The following LRRK1 variants were observed in gnomAD, a reference collection of about 807,000 sequenced individuals.
The protein encoded by LRRK1 is leucine-rich repeat serine/threonine-protein kinase 1.
Under a neutral mutation model 209.1 loss-of-function variants are expected in LRRK1, and 113 were observed. The ratio of observed to expected loss-of-function variants is 0.54; its 90% CI spans 0.46 to 0.63. The LOEUF is 0.63. LRRK1 is among the 30% of genes least tolerant of loss of function. LRRK1 has a pLI of 0.00. For synonymous variants in LRRK1, 1,144 were observed against 1,099.7 expected (o/e 1.04, Z -0.80); for missense variants, 2,284 against 2,632.2 (o/e 0.87, Z 2.89).
chr15:101,040,469 G>A (rs2034697505), intron 20 of LRRK1, among the ~76,000 whole-genome samples: 3 of 151,902 alleles, frequency 2.0e-5, no homozygotes, highest in East Asian at 3.8e-4. Context: ...TTTAAAGAAC[G>A]AACCGTTGCC....
intron 2 of LRRK1, among the ~76,000 whole-genome samples, chr15:100,938,316 A>G (rs577209300): frequency 2.6e-5 from 4 of 152,254 alleles, no homozygotes; most frequent in African/African-American, 9.6e-5. Flanking sequence ...ACATGTAATA[A>G]TTGTGCTTGT....
chr15:101,076,656 A>G lies in LRRK1; in HGVS notation c.*7808A>G, dbSNP rs1368805732. The G allele has an allele frequency of 1.3e-5, 2 of 152,248 alleles. No homozygotes were observed. The highest frequency in any genetic ancestry group is 4.8e-5 in the African/African-American group (2 of 41,416). The allele number at this position is 152,248 out of a possible 1,614,324, so 9.4% of individuals were successfully genotyped here. ...GTGGAAATCTATCCTCAAGGAAATA[A>G]CTTCTCAGTGTTCCATCTGCTATTC... On this transcript the variant is annotated 3_prime_UTR_variant, in exon 34 of 34. Transcript: ENST00000388948.
chr15:101,075,094 C>A lies in LRRK1; in HGVS notation c.*6246C>A, dbSNP rs1487067640. 1 of 73,680 alleles carries A rather than the reference C, an allele frequency of 1.4e-5. No individual in the cohort carries two copies. Among genetic ancestry groups the A allele is most frequent in the Non-Finnish European group, 2.9e-5 (1 of 34,246 alleles). 4.6% of individuals were successfully genotyped at this position (73,680 alleles called of 1,614,324 possible). On this transcript the variant is annotated 3_prime_UTR_variant, in exon 34 of 34. Coordinates refer to ENST00000388948, the MANE Select transcript of LRRK1 (RefSeq NM_024652.6). ...AGTAACTCTCACAGTGGAAGGTAAACCCGTCCCCTTCTTAATCAATACGGA... is the reference window on the plus strand; with the variant it reads ...AGTAACTCTCACAGTGGAAGGTAAAACCGTCCCCTTCTTAATCAATACGGA...
At chr15:101,009,174 T>A in intron 7 of LRRK1, 111 bp downstream of exon 7, 1 of 844,914 alleles carries the variant, frequency 1.2e-6, no homozygotes, top group Non-Finnish European at 1.9e-6. Context: ...ATGTTCTGGC[T>A]AAAATAGGAG....
At chr15:100,994,897 C>T (rs2032330591) in intron 6 of LRRK1, among the ~76,000 whole-genome samples, 1 of 152,088 alleles carries the variant, frequency 6.6e-6, no homozygotes, top group African/African-American at 2.4e-5. Flanking sequence ...GACTCAGGAG[C>T]CAGAGGTAAG....
In LRRK1 at chr15:101,070,874, C is replaced by G. The variant is rs2036778606; in HGVS notation, c.*2026C>G. 1 of 151,186 alleles carries G rather than the reference C, an allele frequency of 6.6e-6. No homozygotes were observed. The highest frequency in any genetic ancestry group is 1.5e-5 in the Non-Finnish European group (1 of 67,882). The allele number at this position is 151,186 out of a possible 1,614,324, so 9.4% of individuals were successfully genotyped here. On this transcript the variant is annotated 3_prime_UTR_variant, in exon 34 of 34. Coordinates refer to ENST00000388948, the MANE Select transcript of LRRK1 (RefSeq NM_024652.6). ...CTTACGTGGAAAATTAGTCCAAAGC[C>G]TAAAAGACTAGCAACTGAGAAAAAA...
chr15:101,043,336 C>G (rs535679301), intron 20 of LRRK1, among the ~76,000 whole-genome samples: 1 of 152,188 alleles, frequency 6.6e-6, no homozygotes, highest in East Asian at 1.9e-4. Context: ...TCTTGCTGCT[C>G]CAGCTCTCTG....
intron 2 of LRRK1, among the ~76,000 whole-genome samples, chr15:100,966,724 G>A (rs1401467833): frequency 1.3e-5 from 2 of 152,130 alleles, no homozygotes; most frequent in African/African-American, 2.4e-5. Context: ...GTGTCACCCT[G>A]CAACTTAAGA....
chr15:101,066,180 G>A lies in LRRK1; in HGVS notation c.5743G>A (p.Val1915Ile), dbSNP rs775588013. 74 of 1,610,890 alleles carry A rather than the reference G, an allele frequency of 4.6e-5. No homozygotes were observed. Among genetic ancestry groups the A allele is most frequent in the Non-Finnish European group, 5.9e-5 (69 of 1,178,164 alleles). Residue 1915 changes from valine to isoleucine, a missense_variant, in exon 32 of 34, where the codon GTC (valine) becomes ATC (isoleucine). Coordinates refer to ENST00000388948, the MANE Select transcript of LRRK1 (RefSeq NM_024652.6). ...CCTGCAGGCCGTGAAGATCCTCGCCGTCAGAGACCTCATTTGGGTCCCCAG... is the reference window on the plus strand; with the variant it reads ...CCTGCAGGCCGTGAAGATCCTCGCCATCAGAGACCTCATTTGGGTCCCCAG... Reference protein sequence around the residue: ...QHLQAVKILAVRDLIWVPRRG... With the variant: ...QHLQAVKILAIRDLIWVPRRG...
chr15:101,010,101 C>T (rs1166556884), intron 7 of LRRK1, among the ~76,000 whole-genome samples: 1 of 152,236 alleles, frequency 6.6e-6, no homozygotes, highest in East Asian at 1.9e-4. Flanking sequence ...AGGCCCTTCA[C>T]CTGGGCCAGA....
chr15:101,014,124 G>A (rs778026083), intron 10 of LRRK1, among the ~76,000 whole-genome samples, 192 bp from the exon 11 acceptor site: 42 of 152,046 alleles, frequency 2.8e-4, no homozygotes, highest in African/African-American at 6.3e-4. Context: ...AGATGGCCCC[G>A]TCGCACTGTT....
intron 24 of LRRK1, 108 bp downstream of exon 24, chr15:101,052,068 G>GC (rs2035488639): frequency 1.5e-6 from 2 of 1,342,690 alleles, no homozygotes; most frequent in Admixed American, 4.5e-5. Context: ...GCGGGCAGGT[G>GC]CCCCGGCCAT....
intron 3 of LRRK1, among the ~76,000 whole-genome samples, chr15:100,978,689 C>T (rs1312097949): frequency 6.6e-6 from 1 of 152,142 alleles, no homozygotes; most frequent in African/African-American, 2.4e-5. Context: ...GTAGAAATTA[C>T]CTCAACTTAA....
intron 19 of LRRK1, among the ~76,000 whole-genome samples, chr15:101,028,224 A>G (rs1006600259): frequency 2.0e-5 from 3 of 152,210 alleles, no homozygotes; most frequent in Non-Finnish European, 4.4e-5. Context: ...TGGTCACCAC[A>G]TACTCACCAG....
chr15:101,064,235 T>C (rs1384109454), intron 31 of LRRK1, among the ~76,000 whole-genome samples: 1 of 152,226 alleles, frequency 6.6e-6, no homozygotes, highest in Non-Finnish European at 1.5e-5. Context: ...TCTTAGAGCA[T>C]GTTGTCCTGG....
chr15:101,028,047 G>A (rs1370208643), intron 19 of LRRK1, among the ~76,000 whole-genome samples: 1 of 152,234 alleles, frequency 6.6e-6, no homozygotes, highest in Non-Finnish European at 1.5e-5. Flanking sequence ...ACTGGCGCCT[G>A]CCCTCCGGGG....
At chr15:100,937,106 C>T (rs1175874747) in intron 2 of LRRK1, among the ~76,000 whole-genome samples, 1 of 152,072 alleles carries the variant, frequency 6.6e-6, no homozygotes, top group Non-Finnish European at 1.5e-5. Flanking sequence ...TCTATTTCTT[C>T]TTGAGTTATT....
rs1322983033 is a variant in LRRK1, at chr15:101,077,103, T to G, written c.*8255T>G. 2 of 152,174 alleles carry G rather than the reference T, an allele frequency of 1.3e-5. No homozygotes were observed. Among genetic ancestry groups the G allele is most frequent in the East Asian group, 3.8e-4 (2 of 5,202 alleles). The allele number at this position is 152,174 out of a possible 1,614,324, so 9.4% of individuals were successfully genotyped here. A position where few individuals can be genotyped will look rare whatever the true frequency, so the allele number is the denominator to read the frequency against. ...ACCTCACCAAGCTCAGCCACCAACT[T>G]AAAAAAGACTGGACAATACTTTTAC... On this transcript the variant is annotated 3_prime_UTR_variant, in exon 34 of 34. Coordinates refer to ENST00000388948, the MANE Select transcript of LRRK1 (RefSeq NM_024652.6).
intron 29 of LRRK1, among the ~76,000 whole-genome samples, chr15:101,059,902 T>C (rs1346902196): frequency 3.3e-5 from 5 of 152,144 alleles, no homozygotes; most frequent in Non-Finnish European, 2.9e-5. Flanking sequence ...ATCGTCAGAC[T>C]TCTGAGGGTG....
Sources: gnomAD v4.1 joint callset for allele counts (sites outside exome capture counted in the v4.1 genomes callset) on GRCh38, gnomAD v4.1.1 for gene constraint, MANE v1.5 for transcripts, NCBI Gene and HGNC (gene_info 2026-07-23, HGNC 2026-07-21) for gene names.